MAP3K20: variants seen among roughly 807,000 people sequenced by gnomAD.
The protein encoded by MAP3K20 is mitogen-activated protein kinase kinase kinase 20.
In MAP3K20, 40 loss-of-function variants were observed where a neutral mutation model predicts 85.7. That is an observed-to-expected ratio of 0.47 (90% CI 0.36 to 0.61). MAP3K20 has a LOEUF of 0.61. MAP3K20 is among the 20% of genes least tolerant of loss of function. The pLI is 0.00. For missense variants in MAP3K20, 817 were observed against 961.7 expected (o/e 0.85, Z 1.99); for synonymous variants, 325 against 327.7 (o/e 0.99, Z 0.09).
intron 16 of MAP3K20, among the ~76,000 whole-genome samples, chr2:173,241,430 C>A (rs1171296621): frequency 2.6e-5 from 4 of 151,932 alleles, no homozygotes; most frequent in South Asian, 2.1e-4. Context: ...CTGGGCAACA[C>A]GGTGGAATCC....
chr2:173,221,079 G>T (rs1156847206), intron 11 of MAP3K20: 5 of 1,323,832 alleles, frequency 3.8e-6, no homozygotes, highest in Non-Finnish European at 5.0e-6. Context: ...TAATTTTGTG[G>T]TATCTATTTT....
intron 1 of MAP3K20, among the ~76,000 whole-genome samples, chr2:173,088,564 G>T (rs1687204375): frequency 1.3e-5 from 2 of 152,204 alleles, no homozygotes; most frequent in African/African-American, 4.8e-5. Flanking sequence ...TAGAGAGTGG[G>T]AATTGGGTAT....
At chr2:173,229,030 G>T (rs769346832) in intron 11 of MAP3K20, among the ~76,000 whole-genome samples, 8 of 152,226 alleles carry the variant, frequency 5.3e-5, no homozygotes, top group Non-Finnish European at 1.0e-4. Context: ...ATATATTGAA[G>T]ACAGTAAGTA....
At chr2:173,195,173 G>A (rs1690786665) in intron 7 of MAP3K20, among the ~76,000 whole-genome samples, 1 of 142,506 alleles carries the variant, frequency 7.0e-6, no homozygotes, top group African/African-American at 2.6e-5. Flanking sequence ...GAGAACACAA[G>A]GCCTAGCCTC....
At chr2:173,179,704 GCACA>G (rs71018541) in intron 3 of MAP3K20, among the ~76,000 whole-genome samples, 51,876 of 146,008 alleles carry the variant, frequency 0.36, 9,972 homozygotes, top group Non-Finnish European at 0.45. Context: ...TAAGGAATGC[GCACA>G]CACACACACA....
At chr2:173,262,439 A>G (rs781290671) in intron 18 of MAP3K20, among the ~76,000 whole-genome samples, 1 of 152,122 alleles carries the variant, frequency 6.6e-6, no homozygotes, top group South Asian at 2.1e-4. Flanking sequence ...ATCTCTACTA[A>G]TAATACAAAA....
intron 2 of MAP3K20, among the ~76,000 whole-genome samples, chr2:173,146,276 C>CG (rs1198770806): frequency 4.0e-5 from 6 of 151,608 alleles, no homozygotes; most frequent in African/African-American, 1.2e-4. Context: ...AAGTCTGTTG[C>CG]CTTTTAGAGG....
At chr2:173,145,966 A>G (rs112917899) in intron 2 of MAP3K20, among the ~76,000 whole-genome samples, 3 of 152,276 alleles carry the variant, frequency 2.0e-5, no homozygotes, top group African/African-American at 7.2e-5. Flanking sequence ...AATGTTGAGC[A>G]AAAAAGACTA....
Position 173,261,113 on chromosome 2 carries a change from T to C in MAP3K20, c.1527T>C (p.Thr509=). 6.2e-7 allele frequency: 1 copy of C among 1,613,742 alleles called. No individual in the cohort carries two copies. The highest frequency in any genetic ancestry group is 8.5e-7 in the Non-Finnish European group (1 of 1,179,688). ...KWIVGIAKSQ[T]VECTVTYESD... ...TTGTAGGAATAGCAAAAAGTCAGAC[T>C]GTGGAGTGCACTGTCACATATGAGG... Residue 509 remains threonine, a synonymous_variant, in exon 18 of 20, where the codon ACT becomes ACC. Transcript: ENST00000375213.
chr2:173,151,907 T>C (rs915488749), intron 2 of MAP3K20, among the ~76,000 whole-genome samples: 11 of 152,206 alleles, frequency 7.2e-5, no homozygotes, highest in South Asian at 2.1e-4. Flanking sequence ...ATGAGTCAGA[T>C]TGTACTCAGC....
chr2:173,178,505 A>G (rs13009008), intron 3 of MAP3K20, among the ~76,000 whole-genome samples: 77,826 of 151,860 alleles, frequency 0.51, 23,030 homozygotes, highest in South Asian at 0.73. Context: ...TTAGCCAGGC[A>G]TGGTGGCACA....
At chr2:173,093,754 T>G (rs538316116) in intron 2 of MAP3K20, among the ~76,000 whole-genome samples, 1 of 152,048 alleles carries the variant, frequency 6.6e-6, no homozygotes, top group African/African-American at 2.4e-5. Flanking sequence ...TGTCCAACAA[T>G]GATAGACTGG....
chr2:173,234,760 G>C (rs1381725375), intron 14 of MAP3K20, among the ~76,000 whole-genome samples: 1 of 152,222 alleles, frequency 6.6e-6, no homozygotes, highest in Admixed American at 6.5e-5. Context: ...CATGGCACCT[G>C]AAGTGGAAGG....
At chr2:173,152,106 A>G (rs1689324856) in intron 2 of MAP3K20, among the ~76,000 whole-genome samples, 1 of 151,948 alleles carries the variant, frequency 6.6e-6, no homozygotes, top group Non-Finnish European at 1.5e-5. Flanking sequence ...GTTCTAATTT[A>G]TTTTCTTCAT....
chr2:173,131,241 C>T (rs1019125782), intron 2 of MAP3K20, among the ~76,000 whole-genome samples: 1 of 152,172 alleles, frequency 6.6e-6, no homozygotes, highest in African/African-American at 2.4e-5. Context: ...TCATATATGC[C>T]TTATAGAATA....
chr2:173,231,545 G>A (rs1226592487), intron 12 of MAP3K20, among the ~76,000 whole-genome samples: 1 of 152,224 alleles, frequency 6.6e-6, no homozygotes, highest in East Asian at 1.9e-4. Flanking sequence ...CTGAGGCTGA[G>A]TGGCTTCCAG....
At chr2:173,097,220 G>A (rs933108849) in intron 2 of MAP3K20, among the ~76,000 whole-genome samples, 2 of 152,162 alleles carry the variant, frequency 1.3e-5, no homozygotes, top group African/African-American at 4.8e-5. Flanking sequence ...GCCAAGCATG[G>A]TGGCGGGCGC....
chr2:173,120,416 A>G (rs1688248601), intron 2 of MAP3K20, among the ~76,000 whole-genome samples: 1 of 151,906 alleles, frequency 6.6e-6, no homozygotes, highest in Non-Finnish European at 1.5e-5. Flanking sequence ...CCTTGCCCCC[A>G]TTGTTTAGCA....
chr2:173,081,393 A>G (rs1687010645), intron 1 of MAP3K20, among the ~76,000 whole-genome samples: 1 of 152,148 alleles, frequency 6.6e-6, no homozygotes, highest in Non-Finnish European at 1.5e-5. Context: ...CACCTTCTGC[A>G]CAGTACTGTG....
Sources: allele counts gnomAD v4.1 joint callset (sites outside exome capture counted in the v4.1 genomes callset), GRCh38; gene constraint gnomAD v4.1.1; transcripts MANE v1.5; gene names NCBI Gene and HGNC (gene_info 2026-07-23, HGNC 2026-07-21).